The following FAP variants were observed in gnomAD, a reference collection of about 807,000 sequenced individuals.
The protein encoded by FAP is fibroblast activation protein alpha, also known as prolyl endopeptidase FAP.
A neutral mutation model predicts 126.5 loss-of-function variants in FAP; 110 were observed. The observed-to-expected ratio is 0.87, with a 90% CI of 0.74 to 1.02. The LOEUF is 1.02. Among genes scored for constraint, FAP ranks in the 50% least tolerant of loss-of-function variants. The pLI is 0.00. For synonymous variants in FAP, 334 were observed against 297.3 expected, an observed-to-expected ratio of 1.12 and a Z score of -1.27; for missense variants, 919 against 909.2, an observed-to-expected ratio of 1.01 and a Z score of -0.14.
At position 162,170,752 on chromosome 2, in the gene FAP, C is replaced by A. The variant is rs529299219; in HGVS notation, c.*227G>T. On this transcript the variant is annotated 3_prime_UTR_variant, in exon 26 of 26. Coordinates refer to ENST00000188790, the MANE Select transcript of FAP (RefSeq NM_004460.5). ...AGGTGATAAAACACTGTGTCCAAAGCAAAATGCATGACTCCCTTTTCTCTT... is the reference window on the plus strand; with the variant it reads ...AGGTGATAAAACACTGTGTCCAAAGAAAAATGCATGACTCCCTTTTCTCTT... 6.4e-6 allele frequency: 3 copies of A among 465,172 alleles called. No individual in the cohort carries two copies. Among genetic ancestry groups the A allele is most frequent in the East Asian group, 3.5e-5 (1 of 28,488 alleles). 28.8% of individuals were successfully genotyped at this position (465,172 alleles called of 1,614,324 possible).
intron 2 of FAP, among the ~76,000 whole-genome samples, chr2:162,228,925 A>T (rs1689775110): frequency 6.6e-6 from 1 of 152,212 alleles, no homozygotes; most frequent in Admixed American, 6.5e-5. Flanking sequence ...CACTTGAGAC[A>T]CATTTAGTTT....
intron 21 of FAP, among the ~76,000 whole-genome samples, chr2:162,178,647 G>T (rs1486268039): frequency 1.3e-5 from 2 of 152,168 alleles, no homozygotes; most frequent in Admixed American, 6.5e-5. Flanking sequence ...TTTTATGTGA[G>T]CCAGAAAATG....
At position 162,218,028 on chromosome 2, in the gene FAP, G is replaced by C; in HGVS notation, c.720C>G (p.Gly240=). The change falls in exon 9 of 26, where the codon GGC becomes GGG. Residue 240 remains glycine (G), a synonymous_variant. Coordinates refer to ENST00000188790, the MANE Select transcript of FAP (RefSeq NM_004460.5). ...DIPVIAYSYY[G]DEQYPRTINI... ...TTATTGTTCTAGGATATTGTTCATC[G>C]CCATAATAGGAATAGGCAATAACTG... The C allele has an allele frequency of 1.2e-6, 2 of 1,600,074 alleles. No individual in the cohort carries two copies. Among genetic ancestry groups the C allele is most frequent in the Non-Finnish European group, 1.7e-6 (2 of 1,173,072 alleles).
intron 2 of FAP, among the ~76,000 whole-genome samples, chr2:162,241,498 C>T (rs1413187451): frequency 3.3e-5 from 5 of 152,144 alleles, no homozygotes; most frequent in African/African-American, 1.2e-4. Flanking sequence ...TCCCTATGGA[C>T]ATGGAGGCAA....
chr2:162,212,521 C>T (rs991182117), intron 11 of FAP, among the ~76,000 whole-genome samples: 3 of 152,066 alleles, frequency 2.0e-5, no homozygotes, highest in South Asian at 2.1e-4. Flanking sequence ...TTAGTCGAGC[C>T]TCTCACAGAC....
chr2:162,209,245 T>C (rs564557849), intron 12 of FAP, among the ~76,000 whole-genome samples: 4 of 152,202 alleles, frequency 2.6e-5, no homozygotes, highest in Admixed American at 6.5e-5. Flanking sequence ...CAAATACTAA[T>C]TGAATTGAAT....
intron 16 of FAP, chr2:162,197,716 T>A (rs1323146618): frequency 8.9e-6 from 4 of 450,666 alleles, no homozygotes; most frequent in Non-Finnish European, 8.9e-6. Context: ...TGGTTCCCTT[T>A]ATGAGATCTT....
At chr2:162,241,817 C>T (rs969852764) in intron 2 of FAP, among the ~76,000 whole-genome samples, 2 of 152,180 alleles carry the variant, frequency 1.3e-5, no homozygotes, top group African/African-American at 4.8e-5. Context: ...AGAGCAGAAA[C>T]AAAGACTGAA....
chr2:162,203,874 C>T (rs1327038847), intron 12 of FAP, among the ~76,000 whole-genome samples: 1 of 152,182 alleles, frequency 6.6e-6, no homozygotes, highest in Admixed American at 6.5e-5. Flanking sequence ...ATAGATATAA[C>T]TGAAATTCTG....
intron 14 of FAP, among the ~76,000 whole-genome samples, chr2:162,202,452 G>A (rs997708677): frequency 2.0e-5 from 3 of 152,144 alleles, no homozygotes; most frequent in Non-Finnish European, 4.4e-5. Flanking sequence ...CACAGTAATT[G>A]CTCCATAAAT....
intron 2 of FAP, among the ~76,000 whole-genome samples, chr2:162,237,198 A>G (rs1278937058): frequency 6.6e-6 from 1 of 152,186 alleles, no homozygotes; most frequent in Non-Finnish European, 1.5e-5. Flanking sequence ...TCGTTTTATT[A>G]CATGCTACTG....
At chr2:162,209,819 A>C (rs1688853278) in intron 12 of FAP, 133 bp downstream of exon 12, 2 of 701,444 alleles carry the variant, frequency 2.9e-6, no homozygotes, top group Non-Finnish European at 4.9e-6. Flanking sequence ...ATCACTACCT[A>C]TGTGTTTTAT....
chr2:162,210,904 G>A (rs1688906743), intron 11 of FAP, among the ~76,000 whole-genome samples: 1 of 152,178 alleles, frequency 6.6e-6, no homozygotes, highest in South Asian at 2.1e-4. Context: ...TCAGAAATAA[G>A]TCTGAGAGTT....
chr2:162,201,988 G>T (rs1688516635), intron 14 of FAP, among the ~76,000 whole-genome samples: 1 of 152,080 alleles, frequency 6.6e-6, no homozygotes, highest in African/African-American at 2.4e-5. Flanking sequence ...AAACACCTTT[G>T]CCCTCCATTC....
In FAP at chr2:162,173,189, G is replaced by T. The variant is rs769077329; in HGVS notation, c.2067C>A (p.Phe689Leu). 2 of 1,613,134 alleles carry T rather than the reference G, an allele frequency of 1.2e-6. No homozygotes were observed. Among genetic ancestry groups the T allele is most frequent in the Non-Finnish European group, 1.7e-6 (2 of 1,179,300 alleles). ...GGATGAGAAGATAGTCTACATTTCT[G>T]AAATATTCTGCTCTTGCCATCACAG... Reference protein sequence around the residue: ...NSTVMARAEYFRNVDYLLIHG... With the variant: ...NSTVMARAEYLRNVDYLLIHG... Residue 689 changes from phenylalanine to leucine, a missense_variant, in exon 24 of 26, where the codon TTC becomes TTA. By Grantham distance (22) the Phe-to-Leu change is conservative. Transcript: ENST00000188790.
At chr2:162,188,785 T>C (rs1687940314) in intron 19 of FAP, among the ~76,000 whole-genome samples, 1 of 152,108 alleles carries the variant, frequency 6.6e-6, no homozygotes, top group Non-Finnish European at 1.5e-5. Context: ...CTCAATTACA[T>C]AAGATGTGAA....
chr2:162,195,086 A>C (rs987128618), intron 16 of FAP: 3 of 298,112 alleles, frequency 1.0e-5, no homozygotes, highest in African/African-American at 4.3e-5. Flanking sequence ...GTATTGGGCC[A>C]GTTTTGGCTG....
intron 2 of FAP, among the ~76,000 whole-genome samples, chr2:162,232,690 T>C (rs1576197840): frequency 6.6e-6 from 1 of 152,246 alleles, no homozygotes; most frequent in East Asian, 1.9e-4. Flanking sequence ...ACATGAGTTA[T>C]TCAAAGGATT....
At chr2:162,218,376 A>G (rs1559785931) in intron 8 of FAP, among the ~76,000 whole-genome samples, 1 of 152,162 alleles carries the variant, frequency 6.6e-6, no homozygotes, top group Non-Finnish European at 1.5e-5. Context: ...TCAGAAATGT[A>G]ATTTTTTAAA....
Sources: gnomAD v4.1 joint callset for allele counts (sites outside exome capture counted in the v4.1 genomes callset) on GRCh38, gnomAD v4.1.1 for gene constraint, MANE v1.5 for transcripts, NCBI Gene and HGNC (gene_info 2026-07-23, HGNC 2026-07-21) for gene names.